Variants in FAF1 observed in about 807,000 individuals in gnomAD.
FAF1 encodes FAS-associated factor 1.
A neutral mutation model predicts 92.5 loss-of-function variants in FAF1; 25 were observed. The observed-to-expected ratio is 0.27, with a 90% CI of 0.20 to 0.38. FAF1 has a LOEUF of 0.38. Among genes scored for constraint, FAF1 ranks in the 10% least tolerant of loss-of-function variants. FAF1 has a pLI of 1.00. For synonymous variants in FAF1, 234 were observed against 273.2 expected, an observed-to-expected ratio of 0.86 and a Z score of 1.42; for missense variants, 636 against 793.3, an observed-to-expected ratio of 0.80 and a Z score of 2.38.
At chr1:50,465,118 C>T (rs940548252) in intron 18 of FAF1, among the ~76,000 whole-genome samples, 6 of 152,210 alleles carry the variant, frequency 3.9e-5, no homozygotes, top group African/African-American at 1.4e-4. Flanking sequence ...AGAATCACTA[C>T]CGTCACATTT....
chr1:50,771,761 C>T (rs1434485339), intron 4 of FAF1, among the ~76,000 whole-genome samples: 10 of 152,156 alleles, frequency 6.6e-5, no homozygotes, highest in African/African-American at 1.2e-4. Flanking sequence ...ATCAGCTGGG[C>T]GTGGTGGTGG....
chr1:50,452,327 A>G, intron 18 of FAF1: 1 of 382,924 alleles, frequency 2.6e-6, no homozygotes, highest in South Asian at 2.2e-5. Context: ...GGCAAGATAA[A>G]CCTAATGCAG....
chr1:50,539,030 A>C (rs899330861), intron 14 of FAF1, among the ~76,000 whole-genome samples: 4 of 152,214 alleles, frequency 2.6e-5, no homozygotes, highest in African/African-American at 9.6e-5. Context: ...CTTGGAGTGC[A>C]TTACTAACAG....
chr1:50,540,426 C>T (rs772966514), intron 13 of FAF1, among the ~76,000 whole-genome samples: 16 of 152,054 alleles, frequency 1.1e-4, no homozygotes, highest in Non-Finnish European at 1.6e-4. Flanking sequence ...AATTTAGCAA[C>T]GTTTTCACAA....
intron 6 of FAF1, among the ~76,000 whole-genome samples, chr1:50,717,555 C>G (rs909534689): frequency 6.6e-6 from 1 of 152,204 alleles, no homozygotes; most frequent in Non-Finnish European, 1.5e-5. Context: ...TTTAGGGCCT[C>G]TGTATTCATA....
At chr1:50,828,758 TC>T (rs1644127600) in intron 2 of FAF1, among the ~76,000 whole-genome samples, 1 of 152,180 alleles carries the variant, frequency 6.6e-6, no homozygotes, top group South Asian at 2.1e-4. Context: ...TGGACAGGTT[TC>T]TTTGAAAACA....
chr1:50,674,879 T>G (rs1656051126), intron 7 of FAF1, among the ~76,000 whole-genome samples: 1 of 151,336 alleles, frequency 6.6e-6, no homozygotes, highest in African/African-American at 2.4e-5. Context: ...TTTATTTTAT[T>G]TTATTTTATT....
chr1:50,898,034 A>G (rs1445329639), intron 1 of FAF1, among the ~76,000 whole-genome samples: 1 of 152,232 alleles, frequency 6.6e-6, no homozygotes, highest in Non-Finnish European at 1.5e-5. Context: ...CTCCTGGCAA[A>G]TATCTGAATG....
At chr1:50,653,695 G>A (rs1654977142) in intron 8 of FAF1, among the ~76,000 whole-genome samples, 2 of 152,030 alleles carry the variant, frequency 1.3e-5, no homozygotes, top group South Asian at 2.1e-4. Context: ...GTGAAACTTC[G>A]TCCTTATTAA....
At chr1:50,678,623 T>C (rs1471320167) in intron 7 of FAF1, among the ~76,000 whole-genome samples, 1 of 149,932 alleles carries the variant, frequency 6.7e-6, no homozygotes, top group African/African-American at 2.5e-5. Context: ...CTACTAAAAA[T>C]ACAAAAATTA....
chr1:50,687,098 G>C (rs767861267), intron 7 of FAF1, among the ~76,000 whole-genome samples: 28 of 152,006 alleles, frequency 1.8e-4, no homozygotes, highest in Non-Finnish European at 3.7e-4. Flanking sequence ...CAAAGTGCTG[G>C]GATTATAGGA....
At chr1:50,480,868 A>AT (rs1572772952) in intron 17 of FAF1, among the ~76,000 whole-genome samples, 1 of 152,214 alleles carries the variant, frequency 6.6e-6, no homozygotes, top group East Asian at 1.9e-4. Flanking sequence ...CATTGTTATA[A>AT]TAAGAGATGA....
At chr1:50,760,111 G>A (rs1660262548) in intron 4 of FAF1, among the ~76,000 whole-genome samples, 1 of 152,034 alleles carries the variant, frequency 6.6e-6, no homozygotes, top group Non-Finnish European at 1.5e-5. Context: ...TACTGGTAAA[G>A]GGATCAATTC....
chr1:50,459,237 G>A (rs920167697), intron 18 of FAF1, among the ~76,000 whole-genome samples: 6 of 151,992 alleles, frequency 3.9e-5, no homozygotes, highest in African/African-American at 1.5e-4. Flanking sequence ...GCCTTCTAAA[G>A]TGCTGGGATT....
intron 18 of FAF1, among the ~76,000 whole-genome samples, chr1:50,458,793 T>A (rs1431693821): frequency 6.6e-6 from 1 of 152,222 alleles, no homozygotes; most frequent in African/African-American, 2.4e-5. Context: ...GTGTAACACT[T>A]CATTTCATTT....
chr1:50,714,486 G>A (rs1658092069), intron 6 of FAF1, among the ~76,000 whole-genome samples: 1 of 152,126 alleles, frequency 6.6e-6, no homozygotes, highest in Non-Finnish European at 1.5e-5. Context: ...ACTCCAGCCT[G>A]GGCAGCAAGG....
Position 50,618,752 on chromosome 1 carries a change from C to CT in FAF1, c.745-22537dup, listed in dbSNP as rs1259518339. 9.9e-3 allele frequency among the ~76,000 whole-genome samples: 1,391 copies of CT among 140,488 alleles called. 13 individuals are homozygous for CT. The highest frequency in any genetic ancestry group is 0.01 in the Non-Finnish European group (669 of 64,174). 92.2% of individuals were successfully genotyped at this position (140,488 alleles called of 152,430 possible). On this transcript the variant is annotated intron_variant, in intron 8 of 18. Transcript: ENST00000396153. The stretch of plus-strand genomic sequence containing the variant: ...TCGAATATAAGAATAGCAAAGCTTG[C>CT]TTTTTTTTTTTTTTGAGACAGAGTC...
At chr1:50,798,939 G>T (rs1330516611) in intron 3 of FAF1, among the ~76,000 whole-genome samples, 2 of 152,036 alleles carry the variant, frequency 1.3e-5, no homozygotes, top group Non-Finnish European at 2.9e-5. Flanking sequence ...GAGTGCAGTG[G>T]TGCAATCTTG....
intron 15 of FAF1, among the ~76,000 whole-genome samples, chr1:50,526,679 T>C (rs1647823255): frequency 6.6e-6 from 1 of 151,926 alleles, no homozygotes; most frequent in African/African-American, 2.4e-5. Flanking sequence ...CAGGTTTTCA[T>C]TTCTCTTGAG....
Sources: allele counts gnomAD v4.1 joint callset (sites outside exome capture counted in the v4.1 genomes callset), GRCh38; gene constraint gnomAD v4.1.1; transcripts MANE v1.5; gene names NCBI Gene and HGNC (gene_info 2026-07-23, HGNC 2026-07-21).